The following CIRBP variants were observed in gnomAD, a reference collection of about 807,000 sequenced individuals.
The protein encoded by CIRBP is cold inducible RNA binding protein.
Under a neutral mutation model 22.3 loss-of-function variants are expected in CIRBP, and 11 were observed. That is an observed-to-expected ratio of 0.49 (90% CI 0.31 to 0.82). CIRBP has a LOEUF of 0.82. Ranked by LOEUF, CIRBP falls within the 40% of genes least tolerant of loss-of-function variation. The pLI is 0.05. For missense variants in CIRBP, 456 were observed against 402.7 expected (o/e 1.13, Z -1.13); for synonymous variants, 216 against 158.8 (o/e 1.36, Z -2.71).
Position 1,270,921 on chromosome 19 carries a change from G to A in CIRBP, c.-6-7G>A, listed in dbSNP as rs779619987. ...CCTGTTGAGGATTTCATTGGTGTCT[G>A]CCACAGGCCGCCATGGCATCAGATG... On this transcript the variant is annotated splice_polypyrimidine_tract_variant and splice_region_variant and intron_variant, in intron 1 of 5. Coordinates refer to ENST00000587896, the MANE Select transcript of CIRBP (RefSeq NM_001300829.2). 19 of 1,607,910 alleles carry A rather than the reference G, an allele frequency of 1.2e-5. No homozygotes were observed. Among genetic ancestry groups the A allele is most frequent in the East Asian group, 4.5e-5 (2 of 44,868 alleles).
chr19:1,274,677 C>T lies in CIRBP; in HGVS notation c.*2234C>T, dbSNP rs964394001. The stretch of plus-strand genomic sequence containing the variant: ...GCGCTTCGCCAGTGAGGTGCGGGCT[C>T]AGGGCCTCGAGTCTCTCCTGGAGCA... On this transcript the variant is annotated 3_prime_UTR_variant, in exon 6 of 6. Coordinates refer to ENST00000587896, the MANE Select transcript of CIRBP (RefSeq NM_001300829.2). 4.6e-5 allele frequency: 9 copies of T among 195,814 alleles called. No homozygotes were observed. In the East Asian group the frequency reaches 9.8e-4, roughly 21 times the overall value. 12.1% of individuals were successfully genotyped at this position (195,814 alleles called of 1,614,324 possible).
intron 1 of CIRBP, chr19:1,270,241 C>T (rs886228677): frequency 1.1e-4 from 44 of 394,000 alleles, no homozygotes; most frequent in Non-Finnish European, 2.2e-4. Flanking sequence ...AGCCCCCCCC[C>T]CAGTCTCAGG....
chr19:1,269,716 G>T, intron 1 of CIRBP: 1 of 358,692 alleles, frequency 2.8e-6, no homozygotes, highest in East Asian at 7.4e-5. Flanking sequence ...GGTGCGCGCG[G>T]GGCGCATGCG....
chr19:1,271,308 C>G (rs117105484), intron 3 of CIRBP, 21 bp from the exon 4 acceptor site: 2 of 1,614,066 alleles, frequency 1.2e-6, no homozygotes, highest in East Asian at 2.2e-5. Context: ...CCTGCTAACC[C>G]GTCCCGCCCT....
rs759175498 is a variant in CIRBP, at chr19:1,271,602, G to C, written c.401G>C (p.Gly134Ala). 6.4e-7 allele frequency: 1 copy of C among 1,560,726 alleles called. No homozygotes were observed. Among genetic ancestry groups the C allele is most frequent in the Admixed American group, 2.0e-5 (1 of 49,628 alleles). The change falls in exon 5 of 6, where the codon GGC becomes GCC. Residue 134 changes from glycine (G) to alanine (A), a missense_variant. Gly to Ala is a moderately conservative substitution (Grantham distance 60). This residue lies in a region of CIRBP where 426 missense variants were observed against 339.6 expected (regional missense o/e 1.25). Transcript: ENST00000587896. ...GGNRFESRSG[G>A]YGGSRDYYSS... ...AACCGGTTCGAGTCCAGGAGTGGGGGCTACGGAGGCTCCAGAGACTACTAT... is the reference window on the plus strand; with the variant it reads ...AACCGGTTCGAGTCCAGGAGTGGGGCCTACGGAGGCTCCAGAGACTACTAT...
At chr19:1,270,293 C>G (rs935230091) in intron 1 of CIRBP, 4 of 363,014 alleles carry the variant, frequency 1.1e-5, no homozygotes, top group African/African-American at 2.1e-5. Flanking sequence ...GGTCCAGCAA[C>G]AAGTAGATGT....
At chr19:1,269,762 T>G in intron 1 of CIRBP, 1 of 428,604 alleles carries the variant, frequency 2.3e-6, no homozygotes, top group Non-Finnish European at 4.7e-6. Context: ...GCGCCCCCGG[T>G]CTCCAGGGCC....
In CIRBP at chr19:1,271,309, G is replaced by A. The variant is rs1227504342; in HGVS notation, c.211-20G>A. 3.1e-6 allele frequency: 5 copies of A among 1,614,022 alleles called. No homozygotes were observed. Among genetic ancestry groups the A allele is most frequent in the East Asian group, 2.2e-5 (1 of 44,894 alleles). On this transcript the variant is annotated intron_variant, in intron 3 of 5. Transcript: ENST00000587896. ...GGATGGGGCACCCACCTGCTAACCC[G>A]TCCCGCCCTCTGTCTCCAGTCTGTA...
rs1193676164 is a variant in CIRBP at position 1,272,931 on chromosome 19, C to G, written c.*488C>G. On this transcript the variant is annotated 3_prime_UTR_variant, in exon 6 of 6. Coordinates refer to ENST00000587896, the MANE Select transcript of CIRBP (RefSeq NM_001300829.2). ...CGTTTCTGAGTGTAGTGTGGTAGGA[C>G]CCCGGCGGGTGTGGCAGCAACTGCC... The G allele has an allele frequency of 6.4e-6, 1 of 155,580 alleles. No individual in the cohort carries two copies. The highest frequency in any genetic ancestry group is 1.4e-5 in the Non-Finnish European group (1 of 70,194). 9.6% of individuals were successfully genotyped at this position (155,580 alleles called of 1,614,324 possible).
At position 1,274,276 on chromosome 19, in the gene CIRBP, C is replaced by T. The variant is rs2081387419; in HGVS notation, c.*1833C>T. The T allele has an allele frequency of 2.5e-6, 1 of 401,260 alleles. No homozygotes were observed. The highest frequency in any genetic ancestry group is 4.4e-6 in the Non-Finnish European group (1 of 226,362). 24.9% of individuals were successfully genotyped at this position (401,260 alleles called of 1,614,324 possible). A position where few individuals can be genotyped will look rare whatever the true frequency, so the allele number is the denominator to read the frequency against. ...GGGCAGCTGTGAGCCCTGTGGAGGA[C>T]GTTGGGAGTAACGCTGCTTTGCTTT... On this transcript the variant is annotated 3_prime_UTR_variant, in exon 6 of 6. Coordinates refer to ENST00000587896, the MANE Select transcript of CIRBP (RefSeq NM_001300829.2).
Position 1,271,634 on chromosome 19 carries a change from T to A in CIRBP, c.431+2T>A. 6.7e-7 allele frequency: 1 copy of A among 1,495,210 alleles called. No individual in the cohort carries two copies. Among genetic ancestry groups the A allele is most frequent in the Non-Finnish European group, 9.1e-7 (1 of 1,100,576 alleles). 92.6% of individuals were successfully genotyped at this position (1,495,210 alleles called of 1,614,324 possible). A position where few individuals can be genotyped will look rare whatever the true frequency, so the allele number is the denominator to read the frequency against. ...AGGCTCCAGAGACTACTATAGCAGG[T>A]GAGGGGGAGGCCGGCCCAAGCACAG... On this transcript the variant is annotated splice_donor_variant, in intron 5 of 5. Coordinates refer to ENST00000587896, the MANE Select transcript of CIRBP (RefSeq NM_001300829.2). LOFTEE classifies it high-confidence loss of function.
In CIRBP at chr19:1,273,828, GTT is replaced by G. The variant is rs1339546615; in HGVS notation, c.*1389_*1390del. ...TGTTTTTCCTTTTTTTTTTAACTTT[GTT>G]TTTGTTTTTTTCAATTAAGCTGGAA... On this transcript the variant is annotated 3_prime_UTR_variant, in exon 6 of 6. Coordinates refer to ENST00000587896, the MANE Select transcript of CIRBP (RefSeq NM_001300829.2). 6.6e-6 allele frequency: 1 copy of G among 151,844 alleles called. No homozygotes were observed. The highest frequency in any genetic ancestry group is 1.4e-5 in the Non-Finnish European group (1 of 69,008). The allele number at this position is 151,844 out of a possible 1,614,324, so 9.4% of individuals were successfully genotyped here. A position where few individuals can be genotyped will look rare whatever the true frequency, so the allele number is the denominator to read the frequency against.
Position 1,272,102 on chromosome 19 carries a change from C to T in CIRBP, c.553C>T (p.Arg185Trp), listed in dbSNP as rs778542942. Residue 185 changes from arginine to tryptophan, a missense_variant, in exon 6 of 6, where the codon CGG becomes TGG. Physicochemically the swap from Arg to Trp is moderately radical, Grantham distance 101 (BLOSUM62 -3). Transcript: ENST00000587896. ...GCTGCTGTGGCCTGCGGTGGGAGCT[C>T]GGTTCACCTTGGTGCCCTCTCCAAG... ...ATLLWPAVGARFTLVPSPSTL... is the reference protein window; with the variant it reads ...ATLLWPAVGAWFTLVPSPSTL... 38 of 1,613,960 alleles carry T rather than the reference C, an allele frequency of 2.4e-5. No homozygotes were observed. The highest frequency in any genetic ancestry group is 1.6e-4 in the Middle Eastern group (1 of 6,062).
rs771185546 is a variant in CIRBP at position 1,272,267 on chromosome 19, G to A, written c.718G>A (p.Gly240Arg). 1.9e-6 allele frequency: 3 copies of A among 1,611,694 alleles called. No individual in the cohort carries two copies. Among genetic ancestry groups the A allele is most frequent in the Non-Finnish European group, 1.7e-6 (2 of 1,179,318 alleles). ...QKGKGERGPA[G>R]QSARCMCGRR... ...AGGCAAGGGAGAGCGAGGGCCCGCTGGGCAGTCAGCTAGGTGCATGTGTGG... is the reference window on the plus strand; with the variant it reads ...AGGCAAGGGAGAGCGAGGGCCCGCTAGGCAGTCAGCTAGGTGCATGTGTGG... The change falls in exon 6 of 6, where the codon GGG becomes AGG. Residue 240 changes from glycine to arginine, a missense_variant. Gly to Arg is a moderately radical substitution (Grantham distance 125). Coordinates refer to ENST00000587896, the MANE Select transcript of CIRBP (RefSeq NM_001300829.2).
At position 1,271,724 on chromosome 19, in the gene CIRBP, C is replaced by T. The variant is rs1485697983; in HGVS notation, c.431+92C>T. On this transcript the variant is annotated intron_variant, in intron 5 of 5. Transcript: ENST00000587896. Reference sequence around the variant, plus strand: ...GGTCCCTGGGGGAGCTGAGATGAGACTGGCTGGGCAAGGAGCAGAGGCAGG... The same window carrying T: ...GGTCCCTGGGGGAGCTGAGATGAGATTGGCTGGGCAAGGAGCAGAGGCAGG... 8.0e-6 allele frequency: 7 copies of T among 873,262 alleles called. No individual in the cohort carries two copies. In the South Asian group the frequency reaches 1.2e-4, roughly 15 times the overall value. The allele number at this position is 873,262 out of a possible 1,614,324, so 54.1% of individuals were successfully genotyped here.
intron 1 of CIRBP, chr19:1,269,692 A>G (rs1193048852): frequency 3.1e-6 from 1 of 318,260 alleles, no homozygotes; most frequent in East Asian, 9.7e-5. Flanking sequence ...GAGTTCCCGG[A>G]TGGAGTGGCG....
rs1261977467 is a variant in CIRBP at position 1,273,469 on chromosome 19, G to GC, written c.*1027dup. 1 of 152,334 alleles carries GC rather than the reference G, an allele frequency of 6.6e-6. No individual in the cohort carries two copies. The highest frequency in any genetic ancestry group is 1.9e-4 in the East Asian group (1 of 5,204). 9.4% of individuals were successfully genotyped at this position (152,334 alleles called of 1,614,324 possible). A position where few individuals can be genotyped will look rare whatever the true frequency, so the allele number is the denominator to read the frequency against. ...CAGGGACAGTGGACGTGCACCTGAC[G>GC]CTGACCTGGACTGCCTCAGTCTAGA... is the stretch of plus-strand genomic sequence containing the variant. On this transcript the variant is annotated 3_prime_UTR_variant, in exon 6 of 6. Coordinates refer to ENST00000587896, the MANE Select transcript of CIRBP (RefSeq NM_001300829.2).
chr19:1,271,835 G>T (rs904813968), intron 5 of CIRBP, 146 bp from the exon 6 acceptor site: 12 of 776,230 alleles, frequency 1.5e-5, no homozygotes, highest in Non-Finnish European at 2.3e-5. Context: ...TGGAGATTTT[G>T]AACAATTTCC....
chr19:1,271,349 C>A lies in CIRBP; in HGVS notation c.231C>A (p.Ile77=), dbSNP rs759952536. ...MNGKSVDGRQ[I]RVDQAGKSSD... ...TCCAGTCTGTAGATGGACGGCAGAT[C>A]CGAGTAGACCAGGCAGGCAAGTCGT... is the stretch of plus-strand genomic sequence containing the variant. The change falls in exon 4 of 6, where the codon ATC becomes ATA. Residue 77 remains isoleucine, a synonymous_variant. Coordinates refer to ENST00000587896, the MANE Select transcript of CIRBP (RefSeq NM_001300829.2). 3.0e-5 allele frequency: 48 copies of A among 1,613,908 alleles called. No homozygotes were observed. Among genetic ancestry groups the A allele is most frequent in the Non-Finnish European group, 4.1e-5 (48 of 1,180,040 alleles).
Sources: allele counts gnomAD v4.1 joint callset, GRCh38; gene constraint gnomAD v4.1.1; regional missense constraint gnomAD v4.1.1; transcripts MANE v1.5; gene names NCBI Gene and HGNC (gene_info 2026-07-23, HGNC 2026-07-21).